Variants in XPNPEP2 observed in about 807,000 individuals in gnomAD.
XPNPEP2 encodes the protein xaa-Pro aminopeptidase 2.
A neutral mutation model predicts 59.8 loss-of-function variants in XPNPEP2; 64 were observed. The observed-to-expected ratio is 1.07, with a 90% CI of 0.87 to 1.32. The LOEUF (loss-of-function observed/expected upper bound fraction) is 1.32, where lower values mean the gene tolerates loss of function less well. Ranked by LOEUF, XPNPEP2 falls within the 40% of genes most tolerant of loss-of-function variation. The pLI is 0.00. For synonymous variants in XPNPEP2, 235 were observed against 210.0 expected (o/e 1.12, Z -1.03); for missense variants, 575 against 546.8 (o/e 1.05, Z -0.51).
At chrX:129,753,285 G>A in intron 11 of XPNPEP2, 37 bp downstream of exon 11, 1 of 1,146,761 alleles carries the variant, frequency 8.7e-7, no homozygotes, top group Non-Finnish European at 1.2e-6. Flanking sequence ...CCTTTTGGGA[G>A]TATCCAGCCT....
At chrX:129,763,160 C>G (rs1416764913) in intron 19 of XPNPEP2, among the ~76,000 whole-genome samples, 1 of 111,934 alleles carries the variant, frequency 8.9e-6, no homozygotes, top group African/African-American at 3.3e-5. Flanking sequence ...CATGGAGAAA[C>G]TCTCTACTAA....
Position 129,751,743 on chromosome X carries a change from AG to A in XPNPEP2, c.741del, listed in dbSNP as rs1926422929. The A allele has an allele frequency of 8.3e-7, 1 of 1,204,798 alleles. No individual in the cohort carries two copies. The highest frequency in any genetic ancestry group is 1.1e-6 in the Non-Finnish European group (1 of 890,917). On this transcript the variant is annotated splice_acceptor_variant, in intron 8 of 20. Coordinates refer to ENST00000371106, the MANE Select transcript of XPNPEP2 (RefSeq NM_003399.6). LOFTEE classifies it high-confidence loss of function. ...AATATTCCTTGTCAATTCTCTTCCCAGGGCTCTTCAACCTTCGAGCCAGTGA... is the reference window on the plus strand; with the variant it reads ...AATATTCCTTGTCAATTCTCTTCCCAGGCTCTTCAACCTTCGAGCCAGTGA...
At chrX:129,740,727 G>A (rs781514907) in intron 1 of XPNPEP2, among the ~76,000 whole-genome samples, 1 of 110,337 alleles carries the variant, frequency 9.1e-6, no homozygotes, top group African/African-American at 3.3e-5. Flanking sequence ...ATCACCTGAG[G>A]TCAGGAGTTC....
At chrX:129,750,639 C>A in intron 8 of XPNPEP2, 70 bp downstream of exon 8, 1 of 886,970 alleles carries the variant, frequency 1.1e-6, no homozygotes. Flanking sequence ...CCGGGCCCTG[C>A]AGCACAGAGC....
In XPNPEP2 at chrX:129,738,998, C is replaced by A; in HGVS notation, c.-216C>A. 2.3e-6 allele frequency: 1 copy of A among 437,391 alleles called. No homozygotes were observed. The highest frequency in any genetic ancestry group is 3.8e-5 in the East Asian group (1 of 26,481). 36.0% of individuals were successfully genotyped at this position (437,391 alleles called of 1,213,427 possible). On this transcript the variant is annotated 5_prime_UTR_variant, in exon 1 of 21. Transcript: ENST00000371106. ...ACTTGCACAGTCCGCCTCGGGCAGC[C>A]CAAAGCTCCTCTGCCCACCCTGGCT...
rs779498899 is a variant in XPNPEP2, at chrX:129,755,084, G to A, written c.1218-210G>A. ...AATGGAGGTGGAGAGGAAATAATGT[G>A]TGTCTACAGTGTGTCCTCTGATCTT... On this transcript the variant is annotated intron_variant, in intron 12 of 20. Coordinates refer to ENST00000371106, the MANE Select transcript of XPNPEP2 (RefSeq NM_003399.6). 4.5e-5 allele frequency among the ~76,000 whole-genome samples: 5 copies of A among 112,313 alleles called. No individual in the cohort carries two copies. In the East Asian group the frequency reaches 1.4e-3, roughly 31 times the overall value.
chrX:129,762,379 G>A (rs755785179), intron 18 of XPNPEP2, among the ~76,000 whole-genome samples: 2 of 112,174 alleles, frequency 1.8e-5, no homozygotes, highest in East Asian at 5.6e-4. Flanking sequence ...GTTGCCAAAT[G>A]CTGGAGTAAC....
At chrX:129,748,388 C>T (rs1305140372) in intron 7 of XPNPEP2, among the ~76,000 whole-genome samples, 1 of 112,201 alleles carries the variant, frequency 8.9e-6, no homozygotes. Context: ...TCCTGTAAGT[C>T]GTAACTAAAG....
intron 4 of XPNPEP2, among the ~76,000 whole-genome samples, chrX:129,745,646 G>A (rs1926279417): frequency 1.8e-5 from 2 of 111,591 alleles, no homozygotes; most frequent in Non-Finnish European, 3.8e-5. Context: ...TTCCTTTGCC[G>A]GTTGTTTTAC....
chrX:129,767,690 C>G lies in XPNPEP2; in HGVS notation c.1828C>G (p.His610Asp). The G allele has an allele frequency of 8.3e-7, 1 of 1,211,067 alleles. No homozygotes were observed. Among genetic ancestry groups the G allele is most frequent in the East Asian group, 3.0e-5 (1 of 33,841 alleles). ...CGATGTCAGCCTGCTGTCTCCCGAG[C>G]ATGTGAGTGCCCCTCAGCATTGCCT... ...LIDVSLLSPEHLQYLNRYYQT... is the reference protein window; with the variant it reads ...LIDVSLLSPEDLQYLNRYYQT... Residue 610 changes from histidine to aspartate, a missense_variant and splice_region_variant, in exon 20 of 21, where the codon CAT (histidine) becomes GAT (aspartate). His to Asp is a moderately conservative substitution (Grantham distance 81). Transcript: ENST00000371106.
chrX:129,753,089 G>A, intron 10 of XPNPEP2, 70 bp from the exon 11 acceptor site: 1 of 932,450 alleles, frequency 1.1e-6, no homozygotes, highest in South Asian at 2.0e-5. Context: ...CCTGTGCCAT[G>A]GAGACCTCCT....
intron 15 of XPNPEP2, among the ~76,000 whole-genome samples, chrX:129,760,230 C>T (rs1569477521): frequency 8.9e-6 from 1 of 112,475 alleles, no homozygotes; most frequent in South Asian, 3.7e-4. Flanking sequence ...GTCACAGCCT[C>T]GGTTCACCGC....
chrX:129,755,145 G>C, intron 12 of XPNPEP2, 149 bp from the exon 13 acceptor site: 1 of 495,154 alleles, frequency 2.0e-6, no homozygotes, highest in East Asian at 3.4e-5. Context: ...TGAGGAGATG[G>C]AACCAGGAGG....
At chrX:129,750,709 C>T (rs1195518227) in intron 8 of XPNPEP2, 140 bp downstream of exon 8, 2 of 497,753 alleles carry the variant, frequency 4.0e-6, no homozygotes. Context: ...GGCCACAGCC[C>T]GTGGGAACCA....
chrX:129,759,106 G>A, intron 14 of XPNPEP2, 74 bp from the exon 15 acceptor site: 1 of 1,163,899 alleles, frequency 8.6e-7, no homozygotes, highest in Non-Finnish European at 1.2e-6. Context: ...GCCACTTGTG[G>A]AAAGCACACA....
chrX:129,759,976 T>C (rs1335898650), intron 15 of XPNPEP2, among the ~76,000 whole-genome samples: 1 of 111,695 alleles, frequency 9.0e-6, no homozygotes, highest in African/African-American at 3.3e-5. Flanking sequence ...TCAACCCTCA[T>C]GAAAGGCCTT....
chrX:129,759,225 C>T lies in XPNPEP2; in HGVS notation c.1413C>T (p.Pro471=). ...CCAGAACAGTCCACTGGGGCACCCC[C>T]TCTGCCTTCCAGAAGGTAAGCATGG... ...DITRTVHWGT[P]SAFQKEAYTR... The change falls in exon 15 of 21, where the codon CCC becomes CCT. Residue 471 remains proline (P), a synonymous_variant. Transcript: ENST00000371106. The T allele has an allele frequency of 8.3e-7, 1 of 1,211,982 alleles. No individual in the cohort carries two copies. Among genetic ancestry groups the T allele is most frequent in the East Asian group, 3.0e-5 (1 of 33,829 alleles).
At chrX:129,748,348 C>A (rs2072903) in intron 7 of XPNPEP2, among the ~76,000 whole-genome samples, 25,579 of 111,351 alleles carry the variant, frequency 0.23, 2,011 homozygotes, top group East Asian at 0.3. Context: ...CTATCTAAAT[C>A]CATCACAAAA....
At chrX:129,766,114 T>A (rs1926747310) in intron 19 of XPNPEP2, among the ~76,000 whole-genome samples, 1 of 112,194 alleles carries the variant, frequency 8.9e-6, no homozygotes, top group Non-Finnish European at 1.9e-5. Flanking sequence ...CCTCTCTCTG[T>A]GATATGTGCT....
Sources: gnomAD v4.1 joint callset for allele counts (sites outside exome capture counted in the v4.1 genomes callset) on GRCh38, gnomAD v4.1.1 for gene constraint, MANE v1.5 for transcripts, NCBI Gene and HGNC (gene_info 2026-07-23, HGNC 2026-07-21) for gene names.